The following LMNTD1 variants were observed in gnomAD, a reference collection of about 807,000 sequenced individuals.
LMNTD1 encodes the protein lamin tail domain-containing protein 1.
A neutral mutation model predicts 50.9 loss-of-function variants in LMNTD1; 35 were observed. The observed-to-expected ratio is 0.69, with a 90% CI of 0.53 to 0.91. The LOEUF is 0.91. LMNTD1 is among the 40% of genes least tolerant of loss of function. The pLI is 0.00. For synonymous variants in LMNTD1, 153 were observed against 161.9 expected (o/e 0.94, Z 0.42); for missense variants, 470 against 475.5 (o/e 0.99, Z 0.11).
At chr12:25,543,442 G>A (rs1367720217) in intron 4 of LMNTD1, among the ~76,000 whole-genome samples, 1 of 151,868 alleles carries the variant, frequency 6.6e-6, no homozygotes, top group African/African-American at 2.4e-5. Context: ...TATGGTAAAA[G>A]TGAAGGGATG....
chr12:25,534,322 T>C (rs1396481393), intron 4 of LMNTD1, among the ~76,000 whole-genome samples: 1 of 152,198 alleles, frequency 6.6e-6, no homozygotes, highest in Non-Finnish European at 1.5e-5. Context: ...ACTAAAAATC[T>C]GGAAAAATAT....
At chr12:25,648,539 C>A in exon 1 of LMNTD1, 1 of 1,551,690 alleles carries the variant, frequency 6.4e-7, no homozygotes, top group Non-Finnish European at 8.7e-7. Flanking sequence ...CCTGCTCTCA[C>A]TGGCTGTTGC....
At position 25,515,496 on chromosome 12, in the gene LMNTD1, C is replaced by A. The variant is rs185879893; in HGVS notation, c.1189+3299G>T. Among the ~76,000 whole-genome samples, 122 of 151,882 alleles carry A rather than the reference C, an allele frequency of 8.0e-4. 1 individual carries two copies. The highest frequency in any genetic ancestry group is 3.4e-3 in the Middle Eastern group (1 of 294). On this transcript the variant is annotated intron_variant, in intron 8 of 9. Coordinates refer to ENST00000458174, the MANE Select transcript of LMNTD1 (RefSeq NM_001145728.2). ...ATGTAAACAAAGTATAAAATGAGAA[C>A]CAGAATGATTTATTCCAATATCAGA...
At chr12:25,568,337 C>G (rs578049002) in intron 1 of LMNTD1, among the ~76,000 whole-genome samples, 16 of 152,230 alleles carry the variant, frequency 1.1e-4, no homozygotes, top group African/African-American at 3.4e-4. Flanking sequence ...GATGTGAAAG[C>G]AAAGAAATGA....
chr12:25,570,165 ATAATATATAAACATGTT>A (rs1944727688), intron 1 of LMNTD1, among the ~76,000 whole-genome samples: 2 of 152,364 alleles, frequency 1.3e-5, no homozygotes, highest in Non-Finnish European at 2.9e-5. Context: ...TAGATACTCT[ATAATATATAAACATGTT>A]TCAGGCATGC....
intron 1 of LMNTD1, among the ~76,000 whole-genome samples, chr12:25,559,754 G>A (rs1160252063): frequency 6.6e-6 from 1 of 152,142 alleles, no homozygotes; most frequent in African/African-American, 2.4e-5. Context: ...GGTGTGAGAT[G>A]GTATCTCATT....
chr12:25,538,748 T>A, intron 4 of LMNTD1, among the ~76,000 whole-genome samples: 1 of 101,378 alleles, frequency 9.9e-6, no homozygotes, highest in Non-Finnish European at 2.3e-5. Flanking sequence ...GTAAATGGAC[T>A]AAATGCCCCA....
intron 4 of LMNTD1, among the ~76,000 whole-genome samples, chr12:25,527,799 G>GTT (rs1194602637): frequency 6.9e-6 from 1 of 144,124 alleles, no homozygotes; most frequent in Non-Finnish European, 1.5e-5. Flanking sequence ...TCTGTATATA[G>GTT]TTCTCCACAA....
chr12:25,600,713 C>T (rs113600989), intron 1 of LMNTD1, among the ~76,000 whole-genome samples: 5 of 151,938 alleles, frequency 3.3e-5, no homozygotes, highest in African/African-American at 1.2e-4. Context: ...AACATCATTG[C>T]TCATCAGAGG....
intron 4 of LMNTD1, among the ~76,000 whole-genome samples, chr12:25,528,939 C>T (rs1942020053): frequency 6.6e-6 from 1 of 152,144 alleles, no homozygotes; most frequent in South Asian, 2.1e-4. Flanking sequence ...TTCCTACTGC[C>T]ATCACAACCT....
intron 1 of LMNTD1, among the ~76,000 whole-genome samples, chr12:25,576,491 T>G (rs1945025034): frequency 6.6e-6 from 1 of 152,248 alleles, no homozygotes; most frequent in Non-Finnish European, 1.5e-5. Flanking sequence ...AATGTCTTCT[T>G]TTGAGAAGTG....
Position 25,586,434 on chromosome 12 carries a change from T to C in LMNTD1, c.59-39880A>G, listed in dbSNP as rs1015374832. Among the ~76,000 whole-genome samples the C allele has an allele frequency of 2.6e-5, 4 of 152,188 alleles. No individual in the cohort carries two copies. The South Asian group carries it at 8.3e-4, about 31-fold the overall frequency. ...AATACTGCAGTAATCTTTTTATTGG[T>C]CTTCCTCACTTCCAATGTCTTATTT... On this transcript the variant is annotated intron_variant, in intron 1 of 7. Transcript: ENST00000445693.
At chr12:25,504,469 C>T (rs1465302865) in intron 8 of LMNTD1, among the ~76,000 whole-genome samples, 1 of 152,138 alleles carries the variant, frequency 6.6e-6, no homozygotes, top group South Asian at 2.1e-4. Flanking sequence ...ATACCAAGTA[C>T]AAATTACTTC....
At chr12:25,549,125 C>A (rs1354824794) in intron 3 of LMNTD1, among the ~76,000 whole-genome samples, 1 of 151,946 alleles carries the variant, frequency 6.6e-6, no homozygotes, top group African/African-American at 2.4e-5. Flanking sequence ...TTGGCACATG[C>A]ATGTATGTGG....
At chr12:25,564,816 G>A (rs1265239805) in intron 1 of LMNTD1, among the ~76,000 whole-genome samples, 1 of 152,146 alleles carries the variant, frequency 6.6e-6, no homozygotes, top group Non-Finnish European at 1.5e-5. Flanking sequence ...GTCCAGTGTT[G>A]AAAGTGGGGT....
At chr12:25,539,829 A>C (rs2136182140) in intron 4 of LMNTD1, among the ~76,000 whole-genome samples, 1 of 147,076 alleles carries the variant, frequency 6.8e-6, no homozygotes, top group East Asian at 2.1e-4. Flanking sequence ...GACCGCTAGC[A>C]AGACTAATAA....
intron 1 of LMNTD1, among the ~76,000 whole-genome samples, chr12:25,563,591 C>CCCTGACCCCTTG (rs1285333937): frequency 2.0e-5 from 3 of 152,206 alleles, no homozygotes; most frequent in African/African-American, 4.8e-5. Context: ...ACTCAGGGGT[C>CCCTGACCCCTTG]AGGGACCCAC....
At chr12:25,549,955 G>A (rs768676288) in intron 2 of LMNTD1, among the ~76,000 whole-genome samples, 16 of 151,756 alleles carry the variant, frequency 1.1e-4, no homozygotes, top group East Asian at 1.9e-4. Flanking sequence ...TTCCCTTTCC[G>A]TTATCATAAA....
At position 25,636,983 on chromosome 12, in the gene LMNTD1, TG is replaced by T. The variant is rs200653199; in HGVS notation, c.58+11510del. Among the ~76,000 whole-genome samples, 860 of 131,014 alleles carry T rather than the reference TG, an allele frequency of 6.6e-3. 37 individuals carry two copies. Among genetic ancestry groups the T allele is most frequent in the Admixed American group, 0.057 (744 of 12,960 alleles). The allele number at this position is 131,014 out of a possible 152,430, so 86.0% of individuals were successfully genotyped here. A position where few individuals can be genotyped will look rare whatever the true frequency, so the allele number is the denominator to read the frequency against. On this transcript the variant is annotated intron_variant, in intron 1 of 7. Coordinates refer to the LMNTD1 transcript ENST00000445693. ...AATGATACAATGGACTTTGGGGACT[TG>T]GGGGGAAGAATGGGAGGGGGGTGAG...
Sources: gnomAD v4.1 joint callset for allele counts (sites outside exome capture counted in the v4.1 genomes callset) on GRCh38, gnomAD v4.1.1 for gene constraint, MANE v1.5 for transcripts, NCBI Gene and HGNC (gene_info 2026-07-23, HGNC 2026-07-21) for gene names.